The following NRG3 variants were observed in gnomAD, a reference collection of about 807,000 sequenced individuals.
NRG3 encodes neuregulin 3, also known as pro-neuregulin-3, membrane-bound isoform.
In NRG3, 31 loss-of-function variants were observed where a neutral mutation model predicts 66.9. The ratio of observed to expected loss-of-function variants is 0.46; its 90% CI spans 0.35 to 0.63. The LOEUF is 0.63. NRG3 is among the 20% of genes least tolerant of loss of function. The probability of loss-of-function intolerance (pLI) is 0.00; values close to 1 mark genes in which losing one functional copy is unlikely to be tolerated. For synonymous variants in NRG3, 393 were observed against 359.4 expected (o/e 1.09, Z -1.06); for missense variants, 910 against 878.9 (o/e 1.04, Z -0.45).
At position 82,348,021 on chromosome 10, in the gene NRG3, A is replaced by G. The variant is rs2083148746; in HGVS notation, c.824-10718A>G. ...ACTGATGGGTCTTGACTCTTTATCC[A>G]ATTTCCCAGTCTGTGTCTTTTAATT... On this transcript the variant is annotated intron_variant, in intron 1 of 8. Coordinates refer to ENST00000372141, the MANE Select transcript of NRG3 (RefSeq NM_001010848.4). Among the ~76,000 whole-genome samples the G allele has an allele frequency of 5.9e-5, 9 of 152,112 alleles. No homozygotes were observed. The South Asian group carries it at 1.9e-3, about 32-fold the overall frequency.
chr10:82,358,934 G>T, intron 2 of NRG3, 66 bp downstream of exon 2: 1 of 1,604,994 alleles, frequency 6.2e-7, no homozygotes. Context: ...GGAGGGTGCT[G>T]GCAGCATCTG....
At chr10:82,325,336 T>A (rs78016716) in intron 1 of NRG3, among the ~76,000 whole-genome samples, 2,702 of 152,156 alleles carry the variant, frequency 0.018, 82 homozygotes, top group African/African-American at 0.06. Flanking sequence ...CATGTGCTAC[T>A]GTGCCTGGCT....
At chr10:82,113,628 T>A (rs2067523533) in intron 1 of NRG3, among the ~76,000 whole-genome samples, 1 of 152,130 alleles carries the variant, frequency 6.6e-6, no homozygotes, top group African/African-American at 2.4e-5. Flanking sequence ...CTGGAACAGA[T>A]AAAAGACATC....
At chr10:82,358,204 A>C (rs926199255) in intron 1 of NRG3, among the ~76,000 whole-genome samples, 4 of 152,232 alleles carry the variant, frequency 2.6e-5, no homozygotes, top group African/African-American at 9.6e-5. Context: ...CAGAATTTAG[A>C]ACATTTGCAT....
intron 1 of NRG3, among the ~76,000 whole-genome samples, chr10:81,952,986 C>G (rs926276065): frequency 6.6e-5 from 10 of 152,072 alleles, no homozygotes; most frequent in Non-Finnish European, 1.0e-4. Flanking sequence ...TCTCTCTGGC[C>G]TCATCTGCAG....
intron 2 of NRG3, among the ~76,000 whole-genome samples, chr10:82,363,975 A>G (rs561890341): frequency 2.0e-5 from 3 of 152,278 alleles, no homozygotes; most frequent in East Asian, 3.9e-4. Context: ...AAACTTGAAC[A>G]TATAGTAGAA....
chr10:82,260,065 G>T (rs562422335), intron 1 of NRG3, among the ~76,000 whole-genome samples: 2 of 152,074 alleles, frequency 1.3e-5, no homozygotes, highest in South Asian at 4.1e-4. Context: ...CACAAAATAC[G>T]CATTCATTTC....
At chr10:82,766,320 T>C (rs765682337) in intron 3 of NRG3, among the ~76,000 whole-genome samples, 12 of 152,146 alleles carry the variant, frequency 7.9e-5, no homozygotes, top group Non-Finnish European at 1.3e-4. Context: ...TCGTCTTTAT[T>C]GTGATGCTGA....
chr10:82,645,820 T>C (rs576958799), intron 2 of NRG3, among the ~76,000 whole-genome samples: 1 of 152,292 alleles, frequency 6.6e-6, no homozygotes, highest in East Asian at 1.9e-4. Context: ...TCCAAATCCC[T>C]TTCTTCTATG....
intron 1 of NRG3, chr10:82,224,263 T>C (rs1424565606): frequency 6.6e-6 from 1 of 152,244 alleles, no homozygotes; most frequent in Admixed American, 6.5e-5. Flanking sequence ...AGAGCAGTTA[T>C]GTGATTATTG....
chr10:82,716,816 C>CA (rs1342760651), intron 2 of NRG3, among the ~76,000 whole-genome samples: 1 of 152,098 alleles, frequency 6.6e-6, no homozygotes. Context: ...TTAAATGATC[C>CA]ATAAAGAGCA....
intron 1 of NRG3, among the ~76,000 whole-genome samples, chr10:82,270,774 A>G (rs775363431): frequency 6.6e-6 from 1 of 152,098 alleles, no homozygotes; most frequent in Non-Finnish European, 1.5e-5. Context: ...GCCAGTGAGC[A>G]GTATCTACTG....
chr10:81,877,901 T>C, intron 1 of NRG3: 1 of 1,535,350 alleles, frequency 6.5e-7, no homozygotes, highest in Non-Finnish European at 8.7e-7. Flanking sequence ...GGATTGAAAA[T>C]GAGTCTACCC....
At chr10:82,285,441 A>T (rs1408335047) in intron 1 of NRG3, among the ~76,000 whole-genome samples, 1 of 152,204 alleles carries the variant, frequency 6.6e-6, no homozygotes. Flanking sequence ...GTTTTTCAAA[A>T]TAATGTTTTA....
chr10:81,948,837 G>A (rs937290014), intron 1 of NRG3, among the ~76,000 whole-genome samples: 4 of 152,160 alleles, frequency 2.6e-5, no homozygotes, highest in Non-Finnish European at 4.4e-5. Context: ...GTTCGATAAT[G>A]CACTAGGAAG....
At chr10:82,247,755 A>G (rs1298543587) in intron 1 of NRG3, among the ~76,000 whole-genome samples, 1 of 152,174 alleles carries the variant, frequency 6.6e-6, no homozygotes, top group African/African-American at 2.4e-5. Flanking sequence ...CCTCTAGGGT[A>G]CTTACCACTT....
rs957967026 is a variant in NRG3 at position 82,679,179 on chromosome 10, G to T, written c.954-59398G>T. Among the ~76,000 whole-genome samples the T allele has an allele frequency of 3.3e-5, 5 of 152,142 alleles. No individual in the cohort carries two copies. In the East Asian group the frequency reaches 5.8e-4, roughly 18 times the overall value. On this transcript the variant is annotated intron_variant, in intron 2 of 8. Transcript: ENST00000372141. The stretch of plus-strand genomic sequence containing the variant: ...CATAGTAGATGCTCAGGAAGTGTTG[G>T]ATCTTTTCTTCTCACTCCGTCTGAC...
chr10:82,240,818 T>C (rs972893594), intron 1 of NRG3, among the ~76,000 whole-genome samples: 7 of 152,166 alleles, frequency 4.6e-5, no homozygotes, highest in African/African-American at 1.7e-4. Context: ...TGGTTGAGTT[T>C]TCTTCTCCCT....
chr10:82,544,730 C>G (rs1480340360), intron 2 of NRG3, among the ~76,000 whole-genome samples: 1 of 152,130 alleles, frequency 6.6e-6, no homozygotes, highest in Non-Finnish European at 1.5e-5. Flanking sequence ...TAGGAGCTGA[C>G]AAAACCATCT....
Sources: allele counts gnomAD v4.1 joint callset (sites outside exome capture counted in the v4.1 genomes callset), GRCh38; gene constraint gnomAD v4.1.1; transcripts MANE v1.5; gene names NCBI Gene and HGNC (gene_info 2026-07-23, HGNC 2026-07-21).